OCM2: variants seen among roughly 807,000 people sequenced by gnomAD.
OCM2 encodes oncomodulin-2.
Under a neutral mutation model 13.6 loss-of-function variants are expected in OCM2, and 6 were observed. That is an observed-to-expected ratio of 0.44 (90% CI 0.24 to 0.87). The LOEUF (loss-of-function observed/expected upper bound fraction) is 0.87. Among genes scored for constraint, OCM2 ranks in the 40% least tolerant of loss-of-function variants. The pLI is 0.22. For missense variants in OCM2, 118 were observed against 136.8 expected (o/e 0.86, Z 0.68); for synonymous variants, 40 against 50.7 (o/e 0.79, Z 0.90).
chr7:97,987,056 C>G, exon 3 of OCM2: 2 of 1,613,250 alleles, frequency 1.2e-6, no homozygotes, highest in South Asian at 2.2e-5. Flanking sequence ...CCCTCTGCTC[C>G]AATTTTCCCA....
intron 2 of OCM2, 27 bp from the exon 3 acceptor site, chr7:97,987,183 A>G (rs1479499556): frequency 1.2e-6 from 2 of 1,612,792 alleles, no homozygotes; most frequent in Non-Finnish European, 8.5e-7. Flanking sequence ...ATCCATGGGG[A>G]TTTTCAAAAA....
intron 2 of OCM2, among the ~76,000 whole-genome samples, chr7:97,987,535 A>G (rs1405928875): frequency 1.3e-5 from 2 of 151,632 alleles, no homozygotes; most frequent in East Asian, 1.9e-4. Flanking sequence ...TTTTTTGTAG[A>G]GACAAGGTTT....
exon 2 of OCM2, chr7:97,988,479 A>G (rs767140076): frequency 6.2e-7 from 1 of 1,614,018 alleles, no homozygotes; most frequent in Non-Finnish European, 8.5e-7. Context: ...AACATCCTTC[A>G]CCTGACTGGC....
chr7:97,988,778 C>T (rs1258017576), intron 1 of OCM2, among the ~76,000 whole-genome samples: 3 of 151,932 alleles, frequency 2.0e-5, no homozygotes, highest in African/African-American at 7.3e-5. Context: ...GTCCATTTTC[C>T]TTTTCCCTCC....
chr7:97,988,623 CA>C lies in OCM2; in HGVS notation c.62-76del. The C allele has an allele frequency of 1.9e-6, 3 of 1,579,604 alleles. No individual in the cohort carries two copies. The Admixed American group carries it at 5.1e-5, about 27-fold the overall frequency. On this transcript the variant is annotated intron_variant, in intron 1 of 3. Transcript: ENST00000257627. ...TGTTGGGGCCAAGGTACTGAAAACA[CA>C]GATGATTAAAAACACTTCAACAATA...
chr7:97,987,058 A>G, exon 3 of OCM2: 1 of 1,613,148 alleles, frequency 6.2e-7, no homozygotes, highest in Non-Finnish European at 8.5e-7. Flanking sequence ...CTCTGCTCCA[A>G]TTTTCCCATC....
At chr7:97,988,337 A>G in intron 2 of OCM2, 79 bp downstream of exon 2, 1 of 1,568,454 alleles carries the variant, frequency 6.4e-7, no homozygotes, top group Non-Finnish European at 8.7e-7. Flanking sequence ...TTGAAGAAAT[A>G]CTGAGCAACC....
At chr7:97,986,939 G>A (rs1426986814) in intron 3 of OCM2, 108 bp downstream of exon 3, 5 of 1,542,570 alleles carry the variant, frequency 3.2e-6, no homozygotes, top group Admixed American at 4.0e-5. Context: ...GCTCGGTAAG[G>A]TTAAGAAAGG....
At chr7:97,990,015 A>AGGCCCCCC in intron 1 of OCM2, 29 bp downstream of exon 1, 5 of 780,802 alleles carry the variant, frequency 6.4e-6, no homozygotes, top group East Asian at 3.6e-5. Flanking sequence ...CTGTGAGGAA[A>AGGCCCCCC]TCCCACCCCC....
intron 1 of OCM2, among the ~76,000 whole-genome samples, 180 bp from the exon 2 acceptor site, chr7:97,988,728 T>C (rs1400106016): frequency 2.0e-5 from 3 of 151,432 alleles, no homozygotes; most frequent in Non-Finnish European, 4.4e-5. Context: ...TGGCATCCCA[T>C]GTCCCCTCCG....
At position 97,988,662 on chromosome 7, in the gene OCM2, G is replaced by A. The variant is rs1028171720; in HGVS notation, c.62-114C>T. On this transcript the variant is annotated intron_variant, in intron 1 of 3. Coordinates refer to ENST00000257627, the Ensembl canonical transcript of OCM2. ...CACTTCAACAATATCCCTGAGCTACGGGGATGCTCAACTGGTCTAAGATTT... is the reference window on the plus strand; with the variant it reads ...CACTTCAACAATATCCCTGAGCTACAGGGATGCTCAACTGGTCTAAGATTT... 68 of 1,371,946 alleles carry A rather than the reference G, an allele frequency of 5.0e-5. 1 individual carries two copies. The highest frequency in any genetic ancestry group is 3.1e-4 in the Admixed American group (17 of 54,724). The allele number at this position is 1,371,946 out of a possible 1,614,324, so 85.0% of individuals were successfully genotyped here.
At chr7:97,989,961 T>G (rs1404793586) in intron 1 of OCM2, 83 bp downstream of exon 1, 4 of 1,440,378 alleles carry the variant, frequency 2.8e-6, no homozygotes. Context: ...TCTGGCCGCC[T>G]GGCCTACATT....
intron 3 of OCM2, among the ~76,000 whole-genome samples, chr7:97,986,721 G>A (rs570057445): frequency 4.6e-5 from 7 of 152,226 alleles, no homozygotes; most frequent in African/African-American, 1.4e-4. Flanking sequence ...AATACCTCGC[G>A]CTATATGCAG....
intron 1 of OCM2, 28 bp downstream of exon 1, chr7:97,990,016 T>TGCCCCCCCCCCC: frequency 2.8e-6 from 3 of 1,083,840 alleles, no homozygotes; most frequent in Admixed American, 1.8e-5. Context: ...TGTGAGGAAA[T>TGCCCCCCCCCCC]CCCACCCCCG....
At chr7:97,989,460 A>G (rs1794709217) in intron 1 of OCM2, among the ~76,000 whole-genome samples, 1 of 151,658 alleles carries the variant, frequency 6.6e-6, no homozygotes, top group South Asian at 2.1e-4. Flanking sequence ...AGTGCAGTGT[A>G]GCGATCATAG....
chr7:97,988,463 C>T (rs1584171069), exon 2 of OCM2: 3 of 1,614,016 alleles, frequency 1.9e-6, no homozygotes, highest in East Asian at 2.2e-5. Flanking sequence ...TGTCTATGAA[C>T]CGGAAAACAT....
intron 1 of OCM2, 25 bp downstream of exon 1, chr7:97,990,019 C>CTGGG: frequency 3.5e-6 from 4 of 1,130,642 alleles, no homozygotes; most frequent in Non-Finnish European, 5.3e-6. Flanking sequence ...GAGGAAATCC[C>CTGGG]ACCCCCGCCC....
chr7:97,988,511 C>A (rs13310238), exon 2 of OCM2: 1 of 1,614,132 alleles, frequency 6.2e-7, no homozygotes, highest in East Asian at 2.2e-5. Flanking sequence ...AGAGGCCTGA[C>A]GTCTGGAAGA....
In OCM2 at chr7:97,987,168, T is replaced by A. The variant is rs1231641552; in HGVS notation, c.195-12A>T. 6.2e-7 allele frequency: 1 copy of A among 1,613,142 alleles called. No homozygotes were observed. Among genetic ancestry groups the A allele is most frequent in the African/African-American group, 1.3e-5 (1 of 75,018 alleles). On this transcript the variant is annotated splice_polypyrimidine_tract_variant and intron_variant, in intron 2 of 3. Transcript: ENST00000257627. ...TCTGGAGGAAAAACCTACAGGATAA[T>A]AAAGATCCATGGGGATTTTCAAAAA...
Sources: gnomAD v4.1 joint callset for allele counts (sites outside exome capture counted in the v4.1 genomes callset) on GRCh38, gnomAD v4.1.1 for gene constraint, MANE v1.5 for transcripts, NCBI Gene and HGNC (gene_info 2026-07-23, HGNC 2026-07-21) for gene names.